TTC28: variants seen among roughly 807,000 people sequenced by gnomAD.
The protein encoded by TTC28 is tetratricopeptide repeat domain 28.
A neutral mutation model predicts 198.0 loss-of-function variants in TTC28; 61 were observed. The ratio of observed to expected loss-of-function variants is 0.31; its 90% CI spans 0.25 to 0.38. The LOEUF (loss-of-function observed/expected upper bound fraction) is 0.38, where lower values mean the gene tolerates loss of function less well. Among genes scored for constraint, TTC28 ranks in the 10% least tolerant of loss-of-function variants. The probability of loss-of-function intolerance (pLI) is 1.00; values close to 1 mark genes in which losing one functional copy is unlikely to be tolerated. For synonymous variants in TTC28, 1,171 were observed against 1,297.8 expected, an observed-to-expected ratio of 0.90 and a Z score of 2.10; for missense variants, 2,678 against 3,164.0, an observed-to-expected ratio of 0.85 and a Z score of 3.69.
intron 12 of TTC28, among the ~76,000 whole-genome samples, chr22:28,075,194 T>C (rs757463614): frequency 4.6e-5 from 7 of 152,192 alleles, no homozygotes; most frequent in Non-Finnish European, 7.3e-5. Flanking sequence ...AGACCAATTA[T>C]AGTTATCCTC....
At chr22:28,509,953 C>G (rs1218401720) in intron 2 of TTC28, among the ~76,000 whole-genome samples, 1 of 152,136 alleles carries the variant, frequency 6.6e-6, no homozygotes, top group South Asian at 2.1e-4. Context: ...TTCCTGGACA[C>G]ATGCACTCTC....
chr22:28,527,633 T>A (rs187864391), intron 2 of TTC28, among the ~76,000 whole-genome samples: 2 of 152,276 alleles, frequency 1.3e-5, no homozygotes, highest in East Asian at 3.9e-4. Flanking sequence ...TACACTTATA[T>A]AATATACTAA....
intron 5 of TTC28, among the ~76,000 whole-genome samples, chr22:28,210,159 A>C (rs1926797717): frequency 6.6e-6 from 1 of 152,188 alleles, no homozygotes; most frequent in Admixed American, 6.5e-5. Context: ...CAAAGACCAA[A>C]GGTAGATAAA....
At chr22:28,446,940 T>A (rs1489535214) in intron 2 of TTC28, among the ~76,000 whole-genome samples, 2 of 152,348 alleles carry the variant, frequency 1.3e-5, no homozygotes, top group East Asian at 3.9e-4. Context: ...TTTATAGAGC[T>A]GTTTTTTCTG....
intron 5 of TTC28, among the ~76,000 whole-genome samples, chr22:28,168,752 A>G (rs1316022170): frequency 6.6e-6 from 1 of 152,256 alleles, no homozygotes; most frequent in Non-Finnish European, 1.5e-5. Flanking sequence ...CATTCAGGAC[A>G]TAGGCATGGC....
chr22:28,675,979 TATC>T (rs2051980923), intron 1 of TTC28, among the ~76,000 whole-genome samples: 1 of 152,068 alleles, frequency 6.6e-6, no homozygotes, highest in Non-Finnish European at 1.5e-5. Flanking sequence ...CTTAAACAAT[TATC>T]ATATGACCCA....
rs538075210 is a variant in TTC28, at chr22:28,185,623, G to GA, written c.934-22025dup. 3.4e-3 allele frequency among the ~76,000 whole-genome samples: 517 copies of GA among 151,936 alleles called. 3 individuals are homozygous for GA. Among genetic ancestry groups the GA allele is most frequent in the African/African-American group, 0.012 (482 of 41,470 alleles). On this transcript the variant is annotated intron_variant, in intron 5 of 22. Transcript: ENST00000397906. ...TTTACAATATGTACCACAAATAAAG[G>GA]AAAAAATTGTTGTAATTAAATAACT...
intron 5 of TTC28, among the ~76,000 whole-genome samples, chr22:28,289,796 C>T (rs974316795): frequency 2.0e-5 from 3 of 152,238 alleles, no homozygotes; most frequent in African/African-American, 4.8e-5. Context: ...GAGGCCAAGG[C>T]GGGTGGATCA....
intron 2 of TTC28, among the ~76,000 whole-genome samples, chr22:28,369,844 TAATAGG>T (rs1478501250): frequency 6.6e-6 from 1 of 152,020 alleles, no homozygotes; most frequent in Non-Finnish European, 1.5e-5. Context: ...TATATAAGAG[TAATAGG>T]AATATACAGT....
chr22:28,070,747 T>C (rs760949296), intron 12 of TTC28, among the ~76,000 whole-genome samples: 1 of 152,210 alleles, frequency 6.6e-6, no homozygotes, highest in African/African-American at 2.4e-5. Context: ...ATTCAGTCTT[T>C]CCATTTCATC....
At chr22:28,350,015 TAGA>T (rs1410400155) in intron 2 of TTC28, among the ~76,000 whole-genome samples, 1 of 152,212 alleles carries the variant, frequency 6.6e-6, no homozygotes, top group African/African-American at 2.4e-5. Flanking sequence ...AGTGTGTATC[TAGA>T]AGGTTGAAAG....
At chr22:28,192,512 G>A (rs1924917310) in intron 5 of TTC28, among the ~76,000 whole-genome samples, 1 of 152,128 alleles carries the variant, frequency 6.6e-6, no homozygotes, top group South Asian at 2.1e-4. Context: ...ACTAAAGGAG[G>A]ATGTTCGAAG....
At position 28,105,365 on chromosome 22, in the gene TTC28, G is replaced by A. The variant is rs1331914798; in HGVS notation, c.3221C>T (p.Ala1074Val). The change falls in exon 8 of 23, where the codon GCG becomes GTG. Residue 1074 changes from alanine to valine, a missense_variant. Ala to Val is a moderately conservative substitution (Grantham distance 64). Around this residue, in one of 8 missense-constraint regions of TTC28, gnomAD observed 727 missense variants for 861.9 expected, o/e 0.84. Coordinates refer to ENST00000397906, the MANE Select transcript of TTC28 (RefSeq NM_001145418.2). ...LSIAAQMNDLAAKTVSYSSLG... is the reference protein window; with the variant it reads ...LSIAAQMNDLVAKTVSYSSLG... ...GCTACTATATGACACCGTCTTGGCC[G>A]CCAAGTCATTCATCTGTGCAGCAAT... The A allele has an allele frequency of 2.6e-6, 4 of 1,551,568 alleles. No individual in the cohort carries two copies. Among genetic ancestry groups the A allele is most frequent in the East Asian group, 4.9e-5 (2 of 40,938 alleles).
At chr22:28,175,960 T>C (rs1923127510) in intron 5 of TTC28, among the ~76,000 whole-genome samples, 2 of 152,142 alleles carry the variant, frequency 1.3e-5, no homozygotes, top group Non-Finnish European at 1.5e-5. Flanking sequence ...TCACTACTGG[T>C]GGAATTGTAA....
intron 14 of TTC28, among the ~76,000 whole-genome samples, chr22:28,003,700 G>A (rs543589145): frequency 3.9e-5 from 6 of 152,336 alleles, no homozygotes; most frequent in South Asian, 2.1e-4. Flanking sequence ...TGGAATCCAC[G>A]CAGAGCAAAC....
intron 2 of TTC28, among the ~76,000 whole-genome samples, chr22:28,354,648 A>G (rs1480540192): frequency 6.6e-6 from 1 of 152,090 alleles, no homozygotes; most frequent in African/African-American, 2.4e-5. Context: ...TAAATTATAC[A>G]CATAAATGGT....
chr22:28,377,240 C>A (rs1355096085), intron 2 of TTC28, among the ~76,000 whole-genome samples: 3 of 140,636 alleles, frequency 2.1e-5, no homozygotes, highest in Admixed American at 7.1e-5. Flanking sequence ...GGGACTAGGA[C>A]ATAATATATT....
intron 2 of TTC28, among the ~76,000 whole-genome samples, chr22:28,389,952 T>C (rs943279837): frequency 2.6e-5 from 4 of 151,826 alleles, no homozygotes; most frequent in Non-Finnish European, 5.9e-5. Flanking sequence ...CAATTTTAGA[T>C]CTTTCCTGCT....
chr22:28,518,476 G>C (rs925455779), intron 2 of TTC28, among the ~76,000 whole-genome samples: 1 of 152,060 alleles, frequency 6.6e-6, no homozygotes, highest in Non-Finnish European at 1.5e-5. Context: ...ATCAGCCAGG[G>C]ATGGTGGCAC....
Sources: gnomAD v4.1 joint callset for allele counts (sites outside exome capture counted in the v4.1 genomes callset) on GRCh38, gnomAD v4.1.1 for gene constraint, gnomAD v4.1.1 regional missense constraint, MANE v1.5 for transcripts, NCBI Gene and HGNC (gene_info 2026-07-23, HGNC 2026-07-21) for gene names.